The following GTF2A2 variants were observed in gnomAD, a reference collection of about 807,000 sequenced individuals.
The protein encoded by GTF2A2 is transcription initiation factor IIA subunit 2.
A neutral mutation model predicts 14.3 loss-of-function variants in GTF2A2; 9 were observed. The ratio of observed to expected loss-of-function variants is 0.63; its 90% confidence interval spans 0.38 to 1.10. The LOEUF (loss-of-function observed/expected upper bound fraction) is 1.10. Ranked by LOEUF, GTF2A2 falls within the 50% of genes least tolerant of loss-of-function variation. The pLI, the probability that GTF2A2 is intolerant of heterozygous loss-of-function variation, is 0.01. For synonymous variants in GTF2A2, 56 were observed against 46.0 expected, an observed-to-expected ratio of 1.22 and a Z score of -0.88; for missense variants, 90 against 124.6, an observed-to-expected ratio of 0.72 and a Z score of 1.32.
rs1405839793 is a variant in GTF2A2, at chr15:59,643,534, G to A, written c.178-1272C>T. Among the ~76,000 whole-genome samples, 48 of 133,896 alleles carry A rather than the reference G, an allele frequency of 3.6e-4. 2 individuals carry two copies. Among genetic ancestry groups the A allele is most frequent in the Non-Finnish European group, 4.8e-5 (3 of 61,958 alleles). The allele number at this position is 133,896 out of a possible 152,430, so 87.8% of individuals were successfully genotyped here. A position where few individuals can be genotyped will look rare whatever the true frequency, so the allele number is the denominator to read the frequency against. On this transcript the variant is annotated intron_variant, in intron 3 of 4. Coordinates refer to ENST00000396060, the MANE Select transcript of GTF2A2 (RefSeq NM_004492.3). The stretch of plus-strand genomic sequence containing the variant: ...GCCCAGGACACATTCTTATAATTAA[G>A]AAAAAAAAATTGTTTAAAGTAGGAA...
At chr15:59,643,282 G>A (rs964218363) in intron 3 of GTF2A2, among the ~76,000 whole-genome samples, 16 of 151,532 alleles carry the variant, frequency 1.1e-4, no homozygotes, top group African/African-American at 2.4e-5. Context: ...GTTTCACCAC[G>A]TTAGCCAGGC....
intron 2 of GTF2A2, chr15:59,651,844 C>T (rs1020296248): frequency 7.6e-5 from 13 of 172,174 alleles, no homozygotes; most frequent in African/African-American, 2.6e-4. Flanking sequence ...GCGCCCACAC[C>T]GAACTAATTT....
intron 1 of GTF2A2, among the ~76,000 whole-genome samples, chr15:59,655,354 A>C (rs1373487951): frequency 1.3e-5 from 2 of 152,138 alleles, no homozygotes; most frequent in Admixed American, 6.5e-5. Context: ...CTCTTAAGCT[A>C]ATTTTTGCCT....
At chr15:59,651,919 A>G (rs1364742990) in intron 2 of GTF2A2, 2 of 248,828 alleles carry the variant, frequency 8.0e-6, no homozygotes, top group African/African-American at 4.6e-5. Context: ...TCTGGCCTCA[A>G]GCGATCCTTC....
intron 1 of GTF2A2, chr15:59,657,064 A>G (rs1465465144): frequency 6.6e-6 from 1 of 152,238 alleles, no homozygotes; most frequent in Non-Finnish European, 1.5e-5. Context: ...ACATTTAAAA[A>G]ATGCTCTCCG....
intron 1 of GTF2A2, chr15:59,652,841 CA>C (rs1276438681): frequency 6.6e-6 from 1 of 152,236 alleles, no homozygotes; most frequent in Non-Finnish European, 1.5e-5. Context: ...AACAAACATA[CA>C]AAAAGATAAG....
chr15:59,640,711 A>AATAAAAATAAAT (rs1262078556), intron 4 of GTF2A2, among the ~76,000 whole-genome samples: 12 of 152,206 alleles, frequency 7.9e-5, no homozygotes, highest in African/African-American at 2.9e-4. Flanking sequence ...TCTACAGACT[A>AATAAAAATAAAT]ATAAAAATAA....
intron 4 of GTF2A2, among the ~76,000 whole-genome samples, chr15:59,641,084 G>C (rs1028303889): frequency 6.6e-6 from 1 of 152,014 alleles, no homozygotes; most frequent in East Asian, 1.9e-4. Flanking sequence ...TTAAGTGCAG[G>C]GGCTCACGCC....
chr15:59,651,010 G>T (rs1460112471), intron 2 of GTF2A2, among the ~76,000 whole-genome samples: 4 of 152,068 alleles, frequency 2.6e-5, no homozygotes, highest in Non-Finnish European at 5.9e-5. Flanking sequence ...TACAAAGCCA[G>T]AACAAAACTT....
At chr15:59,646,462 A>G (rs1269322056) in intron 3 of GTF2A2, among the ~76,000 whole-genome samples, 6 of 152,242 alleles carry the variant, frequency 3.9e-5, no homozygotes, top group African/African-American at 1.4e-4. Context: ...GTGTCCTCAT[A>G]GCTTAGCTTG....
intron 4 of GTF2A2, chr15:59,640,368 C>T (rs1891370053): frequency 6.6e-6 from 1 of 152,150 alleles, no homozygotes; most frequent in African/African-American, 2.4e-5. Flanking sequence ...TTATTCTGTT[C>T]AGAGGCTTTA....
At chr15:59,644,851 C>T (rs1173311295) in intron 3 of GTF2A2, among the ~76,000 whole-genome samples, 7 of 152,142 alleles carry the variant, frequency 4.6e-5, no homozygotes, top group South Asian at 2.1e-4. Flanking sequence ...CCCATCCTAA[C>T]GGTACTGGGA....
chr15:59,639,367 T>G (rs952278200), intron 4 of GTF2A2, among the ~76,000 whole-genome samples: 5 of 151,936 alleles, frequency 3.3e-5, no homozygotes, highest in Admixed American at 2.0e-4. Context: ...GATGCTTAGC[T>G]CCTCATATTC....
chr15:59,641,618 G>A (rs1185881697), intron 4 of GTF2A2, among the ~76,000 whole-genome samples: 4 of 152,148 alleles, frequency 2.6e-5, no homozygotes, highest in Admixed American at 6.5e-5. Context: ...TATAGTTTTT[G>A]AAACATTTAA....
At chr15:59,640,609 T>G (rs1452177923) in intron 4 of GTF2A2, among the ~76,000 whole-genome samples, 2 of 152,216 alleles carry the variant, frequency 1.3e-5, no homozygotes, top group Non-Finnish European at 2.9e-5. Context: ...CAACAGAACA[T>G]GTCCGTGCTA....
At chr15:59,649,096 T>C (rs1274016974) in intron 3 of GTF2A2, among the ~76,000 whole-genome samples, 1 of 152,154 alleles carries the variant, frequency 6.6e-6, no homozygotes, top group Non-Finnish European at 1.5e-5. Context: ...CTCTGAAAAT[T>C]AGGTATTTCT....
At chr15:59,645,746 A>G (rs1038744731) in intron 3 of GTF2A2, among the ~76,000 whole-genome samples, 1 of 152,116 alleles carries the variant, frequency 6.6e-6, no homozygotes, top group Non-Finnish European at 1.5e-5. Flanking sequence ...AAGAGTGTGT[A>G]TATTACTGGC....
intron 3 of GTF2A2, among the ~76,000 whole-genome samples, chr15:59,647,038 A>G (rs1201383611): frequency 6.6e-6 from 1 of 151,230 alleles, no homozygotes; most frequent in Non-Finnish European, 1.5e-5. Flanking sequence ...AATTACAAAC[A>G]TAATATATAC....
chr15:59,643,594 ACT>A (rs1891505794), intron 3 of GTF2A2, among the ~76,000 whole-genome samples: 1 of 121,870 alleles, frequency 8.2e-6, no homozygotes, highest in South Asian at 2.5e-4. Context: ...GGAAATTTTT[ACT>A]TTTTTTTTTT....
Sources: allele counts gnomAD v4.1 joint callset (sites outside exome capture counted in the v4.1 genomes callset), GRCh38; gene constraint gnomAD v4.1.1; transcripts MANE v1.5; gene names NCBI Gene and HGNC (gene_info 2026-07-23, HGNC 2026-07-21).